PDS5A: variants seen among roughly 807,000 people sequenced by gnomAD.
PDS5A encodes sister chromatid cohesion protein PDS5 homolog A.
PDS5A carries 42 observed loss-of-function variants against 167.1 expected under a neutral mutation model. The observed-to-expected ratio is 0.25, with a 90% confidence interval of 0.20 to 0.33. PDS5A has a LOEUF of 0.33. Among genes scored for constraint, PDS5A ranks in the 10% least tolerant of loss-of-function variants. PDS5A has a pLI of 1.00. For missense variants in PDS5A, 1,033 were observed against 1,605.9 expected, an observed-to-expected ratio of 0.64 and a Z score of 6.10; for synonymous variants, 553 against 554.6, an observed-to-expected ratio of 1.00 and a Z score of 0.04.
intron 2 of PDS5A, among the ~76,000 whole-genome samples, chr4:39,928,400 T>C: frequency 6.6e-6 from 1 of 152,184 alleles, no homozygotes; most frequent in Non-Finnish European, 1.5e-5. Context: ...TTGTCTGCAC[T>C]AGTACCTCAT....
In PDS5A at chr4:39,963,391, G is replaced by A. The variant is rs377601904; in HGVS notation, c.138+13049C>T. ...GGAGAATCGCCTGAACCTAGAAGGC[G>A]GAGGTTGCAGTAAGCCGAGATTGCA... On this transcript the variant is annotated intron_variant, in intron 2 of 32. Transcript: ENST00000303538. Among the ~76,000 whole-genome samples the A allele has an allele frequency of 2.2e-3, 339 of 152,120 alleles. 3 individuals carry two copies. In the Middle Eastern group the frequency reaches 0.058, roughly 26 times the overall value.
intron 2 of PDS5A, among the ~76,000 whole-genome samples, chr4:39,967,821 T>C (rs1730127369): frequency 6.6e-6 from 1 of 151,430 alleles, no homozygotes; most frequent in South Asian, 2.1e-4. Flanking sequence ...TAGCTGGGTG[T>C]GGTGGCAGAA....
At chr4:39,908,300 A>G in intron 11 of PDS5A, 95 bp downstream of exon 11, 1 of 943,588 alleles carries the variant, frequency 1.1e-6, no homozygotes, top group Non-Finnish European at 1.7e-6. Flanking sequence ...TGATTTTCAC[A>G]CAGAAAGACA....
At chr4:39,834,565 A>T (rs546154397) in intron 32 of PDS5A, among the ~76,000 whole-genome samples, 3 of 152,296 alleles carry the variant, frequency 2.0e-5, no homozygotes, top group Admixed American at 6.5e-5. Context: ...TCTTAAAAAA[A>T]TTTTTAAAGA....
At chr4:39,834,858 A>G (rs548812549) in intron 32 of PDS5A, among the ~76,000 whole-genome samples, 1 of 152,284 alleles carries the variant, frequency 6.6e-6, no homozygotes, top group Admixed American at 6.5e-5. Flanking sequence ...CTCCATCCCC[A>G]TTAAACACTA....
intron 17 of PDS5A, among the ~76,000 whole-genome samples, chr4:39,889,271 G>C (rs979300295): frequency 2.0e-5 from 3 of 152,182 alleles, no homozygotes; most frequent in Non-Finnish European, 4.4e-5. Context: ...AAGATGAGAG[G>C]CTTCAGGAAA....
intron 23 of PDS5A, among the ~76,000 whole-genome samples, chr4:39,865,072 T>C (rs540347226): frequency 3.3e-5 from 5 of 152,312 alleles, no homozygotes; most frequent in Non-Finnish European, 7.4e-5. Context: ...TTTATACTCA[T>C]AGGAGTAATG....
In PDS5A at chr4:39,922,244, G is replaced by A. The variant is rs140978786; in HGVS notation, c.654+378C>T. ...AGTACCTAAGAAAAAGGTACGATAC[G>A]GATTCTGAAAAGAAATCCAAACTCC... On this transcript the variant is annotated intron_variant, in intron 6 of 32. Coordinates refer to ENST00000303538, the MANE Select transcript of PDS5A (RefSeq NM_001100399.2). 5.7e-4 allele frequency among the ~76,000 whole-genome samples: 86 copies of A among 152,186 alleles called. No homozygotes were observed. In the East Asian group the frequency reaches 0.013, roughly 23 times the overall value.
chr4:39,845,469 A>C (rs2109505477), intron 29 of PDS5A, among the ~76,000 whole-genome samples: 1 of 152,350 alleles, frequency 6.6e-6, no homozygotes, highest in East Asian at 1.9e-4. Context: ...AGGTGTCACC[A>C]TATTACTTAC....
In PDS5A at chr4:39,906,008, T is replaced by TA. The variant is rs3070902; in HGVS notation, c.1234-1818dup. On this transcript the variant is annotated intron_variant, in intron 11 of 32. Coordinates refer to ENST00000303538, the MANE Select transcript of PDS5A (RefSeq NM_001100399.2). ...TTGGAAATTAAAAATGGAGATGAAG[T>TA]AAAAAAAAAAAAAGATAAGAAAATT... is the stretch of plus-strand genomic sequence containing the variant. 1.7e-3 allele frequency among the ~76,000 whole-genome samples: 245 copies of TA among 146,446 alleles called. 1 individual carries two copies. Among genetic ancestry groups the TA allele is most frequent in the Admixed American group, 8.4e-3 (124 of 14,736 alleles).
intron 11 of PDS5A, among the ~76,000 whole-genome samples, chr4:39,905,908 T>C (rs1723292677): frequency 6.6e-6 from 1 of 150,626 alleles, no homozygotes; most frequent in African/African-American, 2.4e-5. Flanking sequence ...AATTAATGAT[T>C]CAATCTGAGG....
chr4:39,852,100 G>A (rs956822400), intron 26 of PDS5A, among the ~76,000 whole-genome samples: 3 of 152,128 alleles, frequency 2.0e-5, no homozygotes, highest in Non-Finnish European at 4.4e-5. Flanking sequence ...TGATAAGAAT[G>A]CCAATTCCAC....
intron 8 of PDS5A, among the ~76,000 whole-genome samples, chr4:39,915,343 A>ATTTTTT (rs3070904): frequency 1.1e-5 from 1 of 88,728 alleles, no homozygotes; most frequent in Non-Finnish European, 2.1e-5. Context: ...AACCGGCCTG[A>ATTTTTT]TTTTTTTTTT....
intron 11 of PDS5A, among the ~76,000 whole-genome samples, 171 bp downstream of exon 11, chr4:39,908,224 A>G (rs375508940): frequency 3.3e-5 from 5 of 152,242 alleles, no homozygotes; most frequent in East Asian, 3.8e-4. Context: ...GTATTTATTC[A>G]TAAGGATAAT....
intron 21 of PDS5A, 73 bp downstream of exon 21, chr4:39,872,913 G>T: frequency 1.4e-6 from 1 of 709,918 alleles, no homozygotes; most frequent in Non-Finnish European, 2.1e-6. Flanking sequence ...CACAGAAACA[G>T]AAGTGTTTCT....
intron 2 of PDS5A, among the ~76,000 whole-genome samples, chr4:39,962,328 T>G (rs1729561435): frequency 6.6e-6 from 1 of 152,032 alleles, no homozygotes; most frequent in South Asian, 2.1e-4. Context: ...AGTGCTGGGA[T>G]TACAGGCGTA....
Position 39,844,722 on chromosome 4 carries a change from C to G in PDS5A, c.3482G>C (p.Gly1161Ala). Residue 1161 changes from glycine (G) to alanine (A), a missense_variant, in exon 30 of 33, where the codon GGC becomes GCC. By Grantham distance (60) the Gly-to-Ala change is moderately conservative. Around this residue, in one of 4 missense-constraint regions of PDS5A, gnomAD observed 233 missense variants for 264.0 expected, o/e 0.88. Coordinates refer to ENST00000303538, the MANE Select transcript of PDS5A (RefSeq NM_001100399.2). ...TGRKPYVRST[G>A]TETGSNINVN... ...ATTAATATTGCTTCCAGTCTCAGTGCCAGTGCTTCTAACATAGGGTTTCCT... is the reference window on the plus strand; with the variant it reads ...ATTAATATTGCTTCCAGTCTCAGTGGCAGTGCTTCTAACATAGGGTTTCCT... The G allele has an allele frequency of 6.2e-7, 1 of 1,613,334 alleles. No individual in the cohort carries two copies. The highest frequency in any genetic ancestry group is 8.5e-7 in the Non-Finnish European group (1 of 1,179,432).
At chr4:39,899,760 G>C (rs1722716323) in intron 14 of PDS5A, among the ~76,000 whole-genome samples, 1 of 150,306 alleles carries the variant, frequency 6.7e-6, no homozygotes, top group Non-Finnish European at 1.5e-5. Context: ...GAGGTGGGAG[G>C]ATCACCTCAG....
intron 2 of PDS5A, among the ~76,000 whole-genome samples, chr4:39,957,923 A>C (rs920852912): frequency 1.3e-5 from 2 of 151,998 alleles, no homozygotes; most frequent in Admixed American, 6.6e-5. Flanking sequence ...TGGGAGACTG[A>C]GGTGGGTGGA....
Sources: gnomAD v4.1 joint callset for allele counts (sites outside exome capture counted in the v4.1 genomes callset) on GRCh38, gnomAD v4.1.1 for gene constraint, gnomAD v4.1.1 regional missense constraint, MANE v1.5 for transcripts, NCBI Gene and HGNC (gene_info 2026-07-23, HGNC 2026-07-21) for gene names.